LMNB2: variants seen among roughly 807,000 people sequenced by gnomAD.
The protein encoded by LMNB2 is lamin B2, also known as lamin-B2.
LMNB2 carries 17 observed loss-of-function variants against 69.3 expected under a neutral mutation model. That is an observed-to-expected ratio of 0.25 (90% CI 0.17 to 0.37). The LOEUF (loss-of-function observed/expected upper bound fraction) is 0.37, where lower values mean the gene tolerates loss of function less well. LMNB2 is among the 10% of genes least tolerant of loss of function. The pLI, the probability that LMNB2 is intolerant of heterozygous loss-of-function variation, is 1.00. For missense variants in LMNB2, 789 were observed against 883.6 expected, an observed-to-expected ratio of 0.89 and a Z score of 1.36; for synonymous variants, 397 against 389.3, an observed-to-expected ratio of 1.02 and a Z score of -0.23.
In LMNB2 at chr19:2,435,037, G is replaced by T; in HGVS notation, c.819C>A (p.Leu273=). The T allele has an allele frequency of 6.2e-7, 1 of 1,606,552 alleles. No individual in the cohort carries two copies. The change falls in exon 5 of 12, where the codon CTC becomes CTA. Residue 273 remains leucine (L), a synonymous_variant. Transcript: ENST00000325327. ...AGGTCTGCTCCAGCTCCAGCTTGTA[G>T]AGCCGCACTTGCTCGTCGTGCTGGC... is the stretch of plus-strand genomic sequence containing the variant. ...LRSQHDEQVR[L]YKLELEQTYQ... is the part of the protein sequence containing the mutation.
intron 1 of LMNB2, among the ~76,000 whole-genome samples, chr19:2,454,422 C>A (rs751225183): frequency 1.3e-5 from 2 of 152,172 alleles, no homozygotes; most frequent in East Asian, 3.9e-4. Flanking sequence ...TGAAAACAAC[C>A]CACAGGGAGC....
intron 1 of LMNB2, among the ~76,000 whole-genome samples, chr19:2,446,156 C>T (rs1971953411): frequency 9.9e-6 from 1 of 101,358 alleles, no homozygotes; most frequent in Non-Finnish European, 2.1e-5. Flanking sequence ...ACCAGTCACC[C>T]CCACCTTTCA....
chr19:2,447,471 C>T lies in LMNB2; in HGVS notation c.265-2931G>A, dbSNP rs959885741. On this transcript the variant is annotated intron_variant, in intron 1 of 11. Coordinates refer to ENST00000325327, the MANE Select transcript of LMNB2 (RefSeq NM_032737.4). The surrounding 1 kb of genome is among the most constrained non-coding windows in gnomAD (Gnocchi z 4.4). ...ACAGGCTTCTTTTAGTGGGGATGAA[C>T]GTTCTAAAATTGGACACATTGGTGG... 2.0e-5 allele frequency among the ~76,000 whole-genome samples: 3 copies of T among 152,080 alleles called. No homozygotes were observed. Among genetic ancestry groups the T allele is most frequent in the African/African-American group, 7.2e-5 (3 of 41,380 alleles).
intron 1 of LMNB2, among the ~76,000 whole-genome samples, chr19:2,445,420 T>C (rs1971944002): frequency 6.6e-6 from 1 of 151,920 alleles, no homozygotes; most frequent in African/African-American, 2.4e-5. Flanking sequence ...CCATGCTGTG[T>C]CCCCCCGACA....
chr19:2,445,194 G>A (rs1196374320), intron 1 of LMNB2, among the ~76,000 whole-genome samples: 2 of 149,476 alleles, frequency 1.3e-5, no homozygotes, highest in Non-Finnish European at 3.0e-5. Context: ...GCAACCTGGA[G>A]TCCCCTCCCA....
intron 1 of LMNB2, among the ~76,000 whole-genome samples, chr19:2,456,372 G>C (rs1244737314): frequency 6.6e-6 from 1 of 150,692 alleles, no homozygotes; most frequent in Admixed American, 6.6e-5. Context: ...GCGGTGGGCG[G>C]GGCCTGGCCG....
At position 2,435,302 on chromosome 19, in the gene LMNB2, G is replaced by A. The variant is rs143203087; in HGVS notation, c.685-131C>T. 1.4e-5 allele frequency: 18 copies of A among 1,305,376 alleles called. No individual in the cohort carries two copies. The Admixed American group carries it at 2.1e-4, about 16-fold the overall frequency. 80.9% of individuals were successfully genotyped at this position (1,305,376 alleles called of 1,614,324 possible). On this transcript the variant is annotated intron_variant, in intron 4 of 11. Coordinates refer to ENST00000325327, the MANE Select transcript of LMNB2 (RefSeq NM_032737.4). ...GTTCCTTGTGCACAAGTTACAAACCGATACACGTGCAGGTGAGAGGCGACC... is the reference window on the plus strand; with the variant it reads ...GTTCCTTGTGCACAAGTTACAAACCAATACACGTGCAGGTGAGAGGCGACC...
chr19:2,442,619 T>C (rs1971910743), intron 2 of LMNB2, among the ~76,000 whole-genome samples: 1 of 152,034 alleles, frequency 6.6e-6, no homozygotes, highest in Non-Finnish European at 1.5e-5. Context: ...TAGTGGTGCA[T>C]GCCTGGGGTC....
intron 1 of LMNB2, among the ~76,000 whole-genome samples, chr19:2,452,021 G>C (rs11084941): frequency 0.15 from 22,400 of 151,968 alleles, 1,757 homozygotes; most frequent in Middle Eastern, 0.18. Flanking sequence ...TGCCTCTCCC[G>C]CGCCTGGACA....
intron 2 of LMNB2, among the ~76,000 whole-genome samples, chr19:2,440,929 G>C (rs1266982753): frequency 6.6e-6 from 1 of 152,182 alleles, no homozygotes; most frequent in Non-Finnish European, 1.5e-5. Context: ...TGTGACCCGG[G>C]GAGGGAGGGC....
At chr19:2,435,871 C>G (rs1226282202) in intron 4 of LMNB2, among the ~76,000 whole-genome samples, 1 of 152,024 alleles carries the variant, frequency 6.6e-6, no homozygotes, top group African/African-American at 2.4e-5. Context: ...AGAAAGCGGG[C>G]CAGGCGTGGT....
At chr19:2,445,309 G>C (rs1158667946) in intron 1 of LMNB2, among the ~76,000 whole-genome samples, 1 of 151,936 alleles carries the variant, frequency 6.6e-6, no homozygotes, top group East Asian at 1.9e-4. Context: ...CCAACCGGGG[G>C]CCAGCCCGTG....
chr19:2,451,704 T>C (rs1026919477), intron 1 of LMNB2, among the ~76,000 whole-genome samples: 4 of 151,958 alleles, frequency 2.6e-5, no homozygotes, highest in Admixed American at 2.0e-4. Flanking sequence ...AGGGCTCAGA[T>C]AGCCTGAGAT....
intron 2 of LMNB2, among the ~76,000 whole-genome samples, chr19:2,441,992 G>A (rs947775285): frequency 2.6e-5 from 4 of 152,226 alleles, no homozygotes; most frequent in Non-Finnish European, 5.9e-5. Flanking sequence ...ACACCCAGAA[G>A]GCAGGGTGCG....
At chr19:2,434,709 G>A (rs1471135766) in intron 6 of LMNB2, 79 bp downstream of exon 6, 8 of 1,535,598 alleles carry the variant, frequency 5.2e-6, no homozygotes, top group Non-Finnish European at 7.0e-6. Context: ...AGAGGCCAGA[G>A]CCCCACGCCC....
Position 2,447,217 on chromosome 19 carries a change from C to T in LMNB2, c.265-2677G>A, listed in dbSNP as rs4806849. ...AATAAAAGCAATGCGGTCCCTCCAC[C>T]ATCCACACACAGGAACATGACCCAG... On this transcript the variant is annotated intron_variant, in intron 1 of 11. Transcript: ENST00000325327. The surrounding 1 kb of genome is among the most constrained non-coding windows in gnomAD (Gnocchi z 4.4). Among the ~76,000 whole-genome samples, 1 of 151,928 alleles carries T rather than the reference C, an allele frequency of 6.6e-6. No homozygotes were observed. The highest frequency in any genetic ancestry group is 1.5e-5 in the Non-Finnish European group (1 of 67,966).
chr19:2,444,663 G>C, intron 1 of LMNB2, 123 bp from the exon 2 acceptor site: 2 of 1,278,268 alleles, frequency 1.6e-6, no homozygotes, highest in Non-Finnish European at 2.2e-6. Context: ...AGAGAGGATG[G>C]CAGCCTGGGG....
Position 2,430,398 on chromosome 19 carries a change from C to T in LMNB2, c.*513G>A, listed in dbSNP as rs1005322414. 2.5e-4 allele frequency: 49 copies of T among 199,948 alleles called. No individual in the cohort carries two copies. Among genetic ancestry groups the T allele is most frequent in the Non-Finnish European group, 3.4e-4 (33 of 96,464 alleles). The allele number at this position is 199,948 out of a possible 1,614,324, so 12.4% of individuals were successfully genotyped here. On this transcript the variant is annotated 3_prime_UTR_variant, in exon 12 of 12. Coordinates refer to ENST00000325327, the MANE Select transcript of LMNB2 (RefSeq NM_032737.4). ...TCCCCATGCTGGCCCACACCCGCTG[C>T]GTGGCTGCCTGAGGAGTTCCCGCTG...
Position 2,453,264 on chromosome 19 carries a change from T to G in LMNB2, c.264+3406A>C, listed in dbSNP as rs1472226810. Reference sequence around the variant, plus strand: ...GAAGCTGGCCAGGTGAGAGAGGCCCTGCTGTCCAGGTGACCTGCATGCTCT... The same window carrying G: ...GAAGCTGGCCAGGTGAGAGAGGCCCGGCTGTCCAGGTGACCTGCATGCTCT... On this transcript the variant is annotated intron_variant, in intron 1 of 11. Transcript: ENST00000325327. The surrounding 1 kb of genome is among the most constrained non-coding windows in gnomAD (Gnocchi z 4.4). Among the ~76,000 whole-genome samples, 1 of 152,068 alleles carries G rather than the reference T, an allele frequency of 6.6e-6. No individual in the cohort carries two copies. The highest frequency in any genetic ancestry group is 1.5e-5 in the Non-Finnish European group (1 of 67,994).
Sources: gnomAD v4.1 joint callset for allele counts (sites outside exome capture counted in the v4.1 genomes callset) on GRCh38, gnomAD v4.1.1 for gene constraint, Gnocchi (gnomAD v3.1) non-coding constraint, MANE v1.5 for transcripts, NCBI Gene and HGNC (gene_info 2026-07-23, HGNC 2026-07-21) for gene names.